CADPS: variants seen among roughly 807,000 people sequenced by gnomAD.
CADPS encodes the protein calcium-dependent secretion activator 1.
CADPS carries 57 observed loss-of-function variants against 167.3 expected under a neutral mutation model. The observed-to-expected ratio is 0.34, with a 90% CI of 0.28 to 0.42. CADPS has a LOEUF of 0.42. Among genes scored for constraint, CADPS ranks in the 20% least tolerant of loss-of-function variants. CADPS has a pLI of 1.00. For synonymous variants in CADPS, 676 were observed against 635.3 expected (o/e 1.06, Z -0.96); for missense variants, 1,414 against 1,738.1 (o/e 0.81, Z 3.32).
At chr3:62,401,732 A>AT (rs35897409) in intron 29 of CADPS, among the ~76,000 whole-genome samples, 74,740 of 145,404 alleles carry the variant, frequency 0.51, 20,858 homozygotes, top group Non-Finnish European at 0.62. Flanking sequence ...CTCATACCAC[A>AT]TTTTTTTTTT....
intron 1 of CADPS, among the ~76,000 whole-genome samples, chr3:62,846,024 C>T (rs979644859): frequency 6.6e-6 from 1 of 150,544 alleles, no homozygotes; most frequent in Non-Finnish European, 1.5e-5. Context: ...AAGATCTGGC[C>T]GTTTGAAAGT....
chr3:62,642,666 G>C (rs1280753408), intron 6 of CADPS, among the ~76,000 whole-genome samples: 2 of 152,170 alleles, frequency 1.3e-5, no homozygotes, highest in Non-Finnish European at 2.9e-5. Flanking sequence ...TTGTACTTTG[G>C]GAGGATGAGG....
At chr3:62,665,305 C>T (rs556430203) in intron 3 of CADPS, among the ~76,000 whole-genome samples, 4 of 152,274 alleles carry the variant, frequency 2.6e-5, no homozygotes, top group South Asian at 4.2e-4. Context: ...GTCTTTTACA[C>T]AATTATTCCA....
intron 21 of CADPS, among the ~76,000 whole-genome samples, chr3:62,490,236 C>T (rs1279864380): frequency 1.3e-5 from 2 of 152,102 alleles, no homozygotes; most frequent in East Asian, 3.9e-4. Context: ...CATCCCTCTA[C>T]TTTGCTCCAT....
Position 62,701,560 on chromosome 3 carries a change from G to A in CADPS, c.889-39166C>T, listed in dbSNP as rs566727814. ...GGAGGCAGAGGTTGCAGTGAGCCGA[G>A]ATTGCACAACTGCACTCCAGCCTGG... On this transcript the variant is annotated intron_variant, in intron 3 of 29. Transcript: ENST00000383710. Among the ~76,000 whole-genome samples, 4 of 142,378 alleles carry A rather than the reference G, an allele frequency of 2.8e-5. No individual in the cohort carries two copies. In the East Asian group the frequency reaches 8.7e-4, roughly 31 times the overall value. 93.4% of individuals were successfully genotyped at this position (142,378 alleles called of 152,430 possible).
intron 3 of CADPS, among the ~76,000 whole-genome samples, chr3:62,682,119 G>C (rs889133721): frequency 1.1e-4 from 16 of 152,090 alleles, no homozygotes; most frequent in African/African-American, 3.9e-4. Context: ...AGACAATTTG[G>C]AAAGGTAGAG....
In CADPS at chr3:62,874,744, C is replaced by T. The variant is rs1159956710; in HGVS notation, c.286G>A (p.Val96Met). 1 of 1,513,994 alleles carries T rather than the reference C, an allele frequency of 6.6e-7. No homozygotes were observed. 93.8% of individuals were successfully genotyped at this position (1,513,994 alleles called of 1,614,324 possible). ...TCTTCCTTCTCCTTCTCGCTCACCA[C>T]CGACGGGCTGGGGCTGGAGGGCCGG... ...GGRPSSPSPS[V>M]VSEKEKEELE... is the part of the protein sequence containing the mutation. Residue 96 changes from valine (V) to methionine (M), a missense_variant, in exon 1 of 30, where the codon GTG becomes ATG. Val to Met is a conservative substitution (Grantham distance 21, BLOSUM62 1). Around this residue, in one of 6 missense-constraint regions of CADPS, gnomAD observed 522 missense variants for 559.5 expected, o/e 0.93. Transcript: ENST00000383710. This position sits in a 1 kb window ranked among gnomAD's most constrained non-coding sequence, Gnocchi z 7.1.
chr3:62,480,785 G>A (rs1200419920), intron 22 of CADPS, among the ~76,000 whole-genome samples: 1 of 152,202 alleles, frequency 6.6e-6, no homozygotes, highest in Non-Finnish European at 1.5e-5. Flanking sequence ...GATCAAAGAA[G>A]GGTACAGAAT....
intron 1 of CADPS, among the ~76,000 whole-genome samples, chr3:62,865,924 A>G (rs905757217): frequency 6.6e-6 from 1 of 152,174 alleles, no homozygotes; most frequent in Admixed American, 6.6e-5. Context: ...TAGAACTTAC[A>G]GGTTCTGTGA....
chr3:62,454,018 A>T (rs1270570985), intron 26 of CADPS, among the ~76,000 whole-genome samples: 1 of 152,192 alleles, frequency 6.6e-6, no homozygotes, highest in South Asian at 2.1e-4. Context: ...AAAATTTCTC[A>T]TAAGTAGCTC....
chr3:62,681,127 C>T (rs2077095327), intron 3 of CADPS, among the ~76,000 whole-genome samples: 1 of 152,058 alleles, frequency 6.6e-6, no homozygotes, highest in African/African-American at 2.4e-5. Flanking sequence ...CTAGGATCTC[C>T]TGGCTTCAGA....
chr3:62,864,038 T>C (rs1447554609), intron 1 of CADPS, among the ~76,000 whole-genome samples: 1 of 152,352 alleles, frequency 6.6e-6, no homozygotes, highest in African/African-American at 2.4e-5. Context: ...CTCACTGAGA[T>C]AAAGTGCTTA....
At chr3:62,832,578 G>A (rs2075274385) in intron 1 of CADPS, among the ~76,000 whole-genome samples, 2 of 152,206 alleles carry the variant, frequency 1.3e-5, no homozygotes, top group South Asian at 2.1e-4. Flanking sequence ...TTTTCACCTA[G>A]CACCATAAAT....
chr3:62,666,380 C>A lies in CADPS; in HGVS notation c.889-3986G>T, dbSNP rs2074410784. ...GAAATCCCAAAATATAAAGAGAAAT[C>A]AAGTAATTACCTTTTCAAGGGCTGG... On this transcript the variant is annotated intron_variant, in intron 3 of 29. Coordinates refer to ENST00000383710, the MANE Select transcript of CADPS (RefSeq NM_003716.4). Among the ~76,000 whole-genome samples the A allele has an allele frequency of 2.0e-5, 3 of 152,042 alleles. No individual in the cohort carries two copies. The South Asian group carries it at 6.2e-4, about 32-fold the overall frequency.
At chr3:62,748,344 C>CAAAAAAAAAAAAAAAAAAAAAA (rs60942307) in intron 3 of CADPS, among the ~76,000 whole-genome samples, 13 of 48,494 alleles carry the variant, frequency 2.7e-4, no homozygotes, top group East Asian at 1.2e-3. Context: ...GACTCCGTCT[C>CAAAAAAAAAAAAAAAAAAAAAA]AAAAAAAAAA....
intron 17 of CADPS, among the ~76,000 whole-genome samples, chr3:62,509,730 G>T (rs771523178): frequency 3.9e-5 from 6 of 152,148 alleles, no homozygotes; most frequent in Admixed American, 1.3e-4. Flanking sequence ...CAATGATCCA[G>T]TTCCAGAAAG....
chr3:62,512,459 A>T (rs1049935187), intron 17 of CADPS, among the ~76,000 whole-genome samples: 6 of 152,288 alleles, frequency 3.9e-5, no homozygotes, highest in African/African-American at 1.4e-4. Context: ...AAAAATGCAC[A>T]TGAGGCCAAA....
In CADPS at chr3:62,458,471, T is replaced by A. The variant is rs2058957676; in HGVS notation, c.3636+6896A>T. ...TATTTCCTGTTTGAAGCCATGTACC[T>A]ATTCATTAGGTATTTCTTTTTTCTT... On this transcript the variant is annotated intron_variant, in intron 26 of 29. Coordinates refer to ENST00000383710, the MANE Select transcript of CADPS (RefSeq NM_003716.4). This position sits in a 1 kb window ranked among gnomAD's most constrained non-coding sequence, Gnocchi z 4.6. Among the ~76,000 whole-genome samples the A allele has an allele frequency of 6.6e-6, 1 of 152,200 alleles. No homozygotes were observed. Among genetic ancestry groups the A allele is most frequent in the African/African-American group, 2.4e-5 (1 of 41,454 alleles).
chr3:62,656,885 A>G (rs913303566), intron 4 of CADPS, among the ~76,000 whole-genome samples: 1 of 152,160 alleles, frequency 6.6e-6, no homozygotes, highest in Admixed American at 6.6e-5. Flanking sequence ...AACAAGCTTC[A>G]GAGGACCCCC....
Sources: allele counts gnomAD v4.1 joint callset (sites outside exome capture counted in the v4.1 genomes callset), GRCh38; gene constraint gnomAD v4.1.1; regional missense constraint gnomAD v4.1.1; non-coding constraint Gnocchi (gnomAD v3.1); transcripts MANE v1.5; gene names NCBI Gene and HGNC (gene_info 2026-07-23, HGNC 2026-07-21).